TRPC4: variants seen among roughly 807,000 people sequenced by gnomAD.
The protein encoded by TRPC4 is short transient receptor potential channel 4.
Under a neutral mutation model 99.4 loss-of-function variants are expected in TRPC4, and 49 were observed. That is an observed-to-expected ratio of 0.49 (90% CI 0.39 to 0.63). The LOEUF (loss-of-function observed/expected upper bound fraction) is 0.63, where lower values mean the gene tolerates loss of function less well. Ranked by LOEUF, TRPC4 falls within the 20% of genes least tolerant of loss-of-function variation. The pLI is 0.00. For synonymous variants in TRPC4, 454 were observed against 425.9 expected (o/e 1.07, Z -0.81); for missense variants, 898 against 1,152.9 (o/e 0.78, Z 3.20).
At chr13:37,844,525 C>A in intron 1 of TRPC4, among the ~76,000 whole-genome samples, 1 of 152,116 alleles carries the variant, frequency 6.6e-6, no homozygotes, top group Non-Finnish European at 1.5e-5. Flanking sequence ...GAACTCCTGA[C>A]CTCAGGCGAT....
intron 1 of TRPC4, among the ~76,000 whole-genome samples, chr13:37,822,052 A>G (rs1315192263): frequency 6.6e-6 from 1 of 152,172 alleles, no homozygotes; most frequent in Non-Finnish European, 1.5e-5. Flanking sequence ...ATATTTGAAA[A>G]AAATGCATTT....
chr13:37,750,814 A>G (rs1435220042), intron 2 of TRPC4, among the ~76,000 whole-genome samples: 1 of 151,806 alleles, frequency 6.6e-6, no homozygotes, highest in Non-Finnish European at 1.5e-5. Context: ...CAACCCTCCG[A>G]CAGGCCCCGG....
At chr13:37,700,409 A>G (rs1000458411) in intron 3 of TRPC4, among the ~76,000 whole-genome samples, 1 of 152,170 alleles carries the variant, frequency 6.6e-6, no homozygotes, top group African/African-American at 2.4e-5. Flanking sequence ...GAGGAGTGGC[A>G]TGTTCAGAAT....
intron 5 of TRPC4, among the ~76,000 whole-genome samples, chr13:37,666,405 T>C (rs1952648704): frequency 6.6e-6 from 1 of 152,184 alleles, no homozygotes; most frequent in South Asian, 2.1e-4. Flanking sequence ...GTCTGTTCTC[T>C]GATCCAAAAA....
chr13:37,666,508 T>C (rs1467273751), intron 5 of TRPC4, among the ~76,000 whole-genome samples: 1 of 152,234 alleles, frequency 6.6e-6, no homozygotes, highest in African/African-American at 2.4e-5. Context: ...TTTTATCCCA[T>C]CCTTCACATA....
intron 2 of TRPC4, among the ~76,000 whole-genome samples, chr13:37,747,217 C>T (rs533633154): frequency 2.6e-5 from 4 of 152,168 alleles, no homozygotes; most frequent in East Asian, 3.9e-4. Flanking sequence ...TAATAATAGC[C>T]GCCATTTAGT....
At chr13:37,641,675 A>G (rs1176489416) in intron 8 of TRPC4, among the ~76,000 whole-genome samples, 1 of 152,034 alleles carries the variant, frequency 6.6e-6, no homozygotes, top group Non-Finnish European at 1.5e-5. Flanking sequence ...ACTTTCTAGG[A>G]GAAAGTGTGG....
chr13:37,778,338 A>T (rs1261163466), intron 2 of TRPC4, among the ~76,000 whole-genome samples: 4 of 152,030 alleles, frequency 2.6e-5, no homozygotes, highest in Non-Finnish European at 5.9e-5. Flanking sequence ...CTTTCATAGG[A>T]TAATATAAAG....
intron 3 of TRPC4, among the ~76,000 whole-genome samples, chr13:37,729,577 A>C (rs542891177): frequency 3.9e-5 from 6 of 152,150 alleles, no homozygotes; most frequent in Non-Finnish European, 8.8e-5. Context: ...TATGGAAGTA[A>C]CCAACCCAAG....
At chr13:37,729,732 T>G (rs1007069958) in intron 3 of TRPC4, among the ~76,000 whole-genome samples, 1 of 152,066 alleles carries the variant, frequency 6.6e-6, no homozygotes. Flanking sequence ...AATAAGCCAA[T>G]CAGACAAAGG....
intron 1 of TRPC4, among the ~76,000 whole-genome samples, chr13:37,812,349 A>G (rs536700820): frequency 1.3e-5 from 2 of 151,946 alleles, no homozygotes; most frequent in Non-Finnish European, 2.9e-5. Flanking sequence ...AGTATGAAAA[A>G]AAATACAAAC....
At chr13:37,716,289 C>G (rs1446080893) in intron 3 of TRPC4, among the ~76,000 whole-genome samples, 1 of 152,032 alleles carries the variant, frequency 6.6e-6, no homozygotes, top group African/African-American at 2.4e-5. Flanking sequence ...ACGGGAATTA[C>G]AAGTAAGGAG....
intron 8 of TRPC4, among the ~76,000 whole-genome samples, chr13:37,648,847 T>C (rs1951930869): frequency 1.3e-5 from 2 of 152,332 alleles, no homozygotes; most frequent in East Asian, 1.9e-4. Context: ...TTTGGTCTGG[T>C]TCTCCATTCT....
chr13:37,766,222 G>A (rs1291204790), intron 2 of TRPC4, among the ~76,000 whole-genome samples: 2 of 151,376 alleles, frequency 1.3e-5, no homozygotes, highest in African/African-American at 4.8e-5. Context: ...CATTACAAGA[G>A]AATTCTCTAA....
At chr13:37,867,452 A>G (rs1959836663) in intron 1 of TRPC4, among the ~76,000 whole-genome samples, 1 of 150,900 alleles carries the variant, frequency 6.6e-6, no homozygotes, top group Non-Finnish European at 1.5e-5. Context: ...TATACACTTA[A>G]AAGTAGTTTT....
chr13:37,849,202 T>C (rs1314656014), intron 1 of TRPC4, among the ~76,000 whole-genome samples: 1 of 152,208 alleles, frequency 6.6e-6, no homozygotes, highest in Non-Finnish European at 1.5e-5. Context: ...CTATGCCATC[T>C]AGCTTATTAT....
In TRPC4 at chr13:37,632,700, A is replaced by G. The variant is rs2138488074; in HGVS notation, c.*4203T>C. The stretch of plus-strand genomic sequence containing the variant: ...GAGAAGCTTTGATATAATTTAATAC[A>G]TTTTATTATTACCAGTATGCATACA... On this transcript the variant is annotated 3_prime_UTR_variant, in exon 11 of 11. Transcript: ENST00000379705. Among the ~76,000 whole-genome samples the G allele has an allele frequency of 6.6e-6, 1 of 152,320 alleles. No homozygotes were observed. The highest frequency in any genetic ancestry group is 2.4e-5 in the African/African-American group (1 of 41,590).
intron 5 of TRPC4, among the ~76,000 whole-genome samples, chr13:37,669,387 C>A (rs1394456652): frequency 1.3e-5 from 2 of 152,106 alleles, no homozygotes; most frequent in African/African-American, 2.4e-5. Flanking sequence ...ACTAATACTT[C>A]ATACACAGTG....
At chr13:37,817,494 T>G (rs551311091) in intron 1 of TRPC4, among the ~76,000 whole-genome samples, 1 of 151,958 alleles carries the variant, frequency 6.6e-6, no homozygotes, top group Non-Finnish European at 1.5e-5. Context: ...ATACTACCAT[T>G]GAGATTCTTC....
Sources: allele counts gnomAD v4.1 joint callset (sites outside exome capture counted in the v4.1 genomes callset), GRCh38; gene constraint gnomAD v4.1.1; transcripts MANE v1.5; gene names NCBI Gene and HGNC (gene_info 2026-07-23, HGNC 2026-07-21).